CYP21A2: variants seen among roughly 807,000 people sequenced by gnomAD.
CYP21A2 encodes the protein cytochrome P450 family 21 subfamily A member 2.
CYP21A2 carries 24 observed loss-of-function variants against 47.4 expected under a neutral mutation model. The observed-to-expected ratio is 0.51, with a 90% CI of 0.37 to 0.71. The LOEUF (loss-of-function observed/expected upper bound fraction) is 0.71. Among genes scored for constraint, CYP21A2 ranks in the 30% least tolerant of loss-of-function variants. CYP21A2 has a pLI of 0.00. For missense variants in CYP21A2, 358 were observed against 643.2 expected (o/e 0.56, Z 4.80); for synonymous variants, 130 against 273.9 (o/e 0.47, Z 5.19).
rs1355619542 is a variant in CYP21A2 at position 32,038,558 on chromosome 6, C to G, written c.136C>G (p.Pro46Ala). 1.2e-6 allele frequency: 2 copies of G among 1,602,334 alleles called. No individual in the cohort carries two copies. Among genetic ancestry groups the G allele is most frequent in the Non-Finnish European group, 1.7e-6 (2 of 1,173,998 alleles). ...GFLHLLQPDLPIYLLGLTQKF... is the reference protein window; with the variant it reads ...GFLHLLQPDLAIYLLGLTQKF... ...CTTGCACCTGCTGCAGCCCGACCTC[C>G]CCATCTATCTGCTTGGCCTGACTCA... is the stretch of plus-strand genomic sequence containing the variant. The change falls in exon 1 of 10, where the codon CCC becomes GCC. Residue 46 changes from proline to alanine, a missense_variant. By Grantham distance (27) the Pro-to-Ala change is conservative. Transcript: ENST00000644719.
chr6:32,040,291 G>A lies in CYP21A2; in HGVS notation c.939+86G>A, dbSNP rs6443. ...CCTCACTCAGCTCTGAGCACTGTGC[G>A]GCTGGGGCTGTGCTTGCCTCACCGG... On this transcript the variant is annotated intron_variant, in intron 7 of 9. Coordinates refer to ENST00000644719, the MANE Select transcript of CYP21A2 (RefSeq NM_000500.9). 1,982 of 1,612,024 alleles carry A rather than the reference G, an allele frequency of 1.2e-3. No homozygotes were observed. The African/African-American group carries it at 0.023, about 19-fold the overall frequency.
In CYP21A2 at chr6:32,040,146, A is replaced by G; in HGVS notation, c.880A>G (p.Thr294Ala). Residue 294 changes from threonine to alanine, a missense_variant, in exon 7 of 10, where the codon ACT (threonine) becomes GCT (alanine). Physicochemically the swap from Thr to Ala is moderately conservative, Grantham distance 58. Transcript: ENST00000644719. ...MAAVDLLIGG[T>A]ETTANTLSWA... ...TGCAGTGGACCTCCTGATCGGTGGC[A>G]CTGAGACCACAGCAAACACCCTCTC... 6.2e-7 allele frequency: 1 copy of G among 1,612,844 alleles called. No homozygotes were observed. Among genetic ancestry groups the G allele is most frequent in the Non-Finnish European group, 8.5e-7 (1 of 1,179,870 alleles).
Position 32,039,117 on chromosome 6 carries a change from C to A in CYP21A2, c.316C>A (p.Pro106Thr), listed in dbSNP as rs531645802. The A allele has an allele frequency of 6.8e-6, 11 of 1,606,612 alleles. No individual in the cohort carries two copies. The East Asian group carries it at 2.0e-4, about 29-fold the overall frequency. Residue 106 changes from proline to threonine, a missense_variant, in exon 3 of 10, where the codon CCG (proline) becomes ACG (threonine). Coordinates refer to ENST00000644719, the MANE Select transcript of CYP21A2 (RefSeq NM_000500.9). ...LTYKLVSRNY[P>T]DLSLGDYSLL... ...AGACAAGCTGGTGTCTAGGAACTACCCGGACCTGTCCTTGGGAGACTACTC... is the reference window on the plus strand; with the variant it reads ...AGACAAGCTGGTGTCTAGGAACTACACGGACCTGTCCTTGGGAGACTACTC...
intron 2 of CYP21A2, 90 bp from the exon 3 acceptor site, chr6:32,039,004 G>T (rs886209471): frequency 2.6e-6 from 4 of 1,550,430 alleles, no homozygotes; most frequent in Non-Finnish European, 3.5e-6. Context: ...ATCTGGTGGG[G>T]AGAAAGCAGG....
chr6:32,038,557 C>T lies in CYP21A2; in HGVS notation c.135C>T (p.Leu45=). 1 of 1,602,142 alleles carries T rather than the reference C, an allele frequency of 6.2e-7. No homozygotes were observed. ...PGFLHLLQPD[L]PIYLLGLTQK... is the part of the protein sequence containing the mutation. ...TCTTGCACCTGCTGCAGCCCGACCTCCCCATCTATCTGCTTGGCCTGACTC... is the reference window on the plus strand; with the variant it reads ...TCTTGCACCTGCTGCAGCCCGACCTTCCCATCTATCTGCTTGGCCTGACTC... Residue 45 remains leucine, a synonymous_variant, in exon 1 of 10, where the codon CTC becomes CTT. Coordinates refer to ENST00000644719, the MANE Select transcript of CYP21A2 (RefSeq NM_000500.9).
At chr6:32,038,865 G>T (rs1370760323) in intron 2 of CYP21A2, 54 bp downstream of exon 2, 12 of 1,396,394 alleles carry the variant, frequency 8.6e-6, no homozygotes, top group Admixed American at 1.9e-5. Context: ...TTAAGAGATG[G>T]GTTCTTGCTA....
rs12525076 is a variant in CYP21A2, at chr6:32,039,682, A to C, written c.651+35A>C. ...TGGAGCCTAGACACCCCTGGGTTGT[A>C]GGGGAGAGGCTGGGGTGGAGGGAGA... On this transcript the variant is annotated intron_variant, in intron 5 of 9. Transcript: ENST00000644719. The C allele has an allele frequency of 1.5e-5, 24 of 1,559,734 alleles. No homozygotes were observed. In the African/African-American group the frequency reaches 2.1e-4, roughly 14 times the overall value.
chr6:32,039,889 G>A (rs1417346197), intron 6 of CYP21A2, 54 bp downstream of exon 6: 25 of 1,605,984 alleles, frequency 1.6e-5, no homozygotes, highest in East Asian at 1.1e-4. Flanking sequence ...TGATGCTACC[G>A]GCCTCAGCAT....
intron 2 of CYP21A2, 56 bp from the exon 3 acceptor site, chr6:32,039,038 A>G: frequency 6.4e-7 from 1 of 1,566,028 alleles, no homozygotes; most frequent in South Asian, 1.2e-5. Context: ...GAAGAAGGTC[A>G]GGCCCTCAGC....
At position 32,040,435 on chromosome 6, in the gene CYP21A2, C is replaced by T. The variant is rs1222755431; in HGVS notation, c.969C>T (p.Asp323=). 1 of 1,612,996 alleles carries T rather than the reference C, an allele frequency of 6.2e-7. No individual in the cohort carries two copies. Among genetic ancestry groups the T allele is most frequent in the African/African-American group, 1.3e-5 (1 of 74,932 alleles). The stretch of plus-strand genomic sequence containing the variant: ...AGCAGCGACTGCAGGAGGAGCTAGA[C>T]CACGAACTGGGCCCTGGTGCCTCCA... ...EIQQRLQEEL[D]HELGPGASSS... Residue 323 remains aspartate, a synonymous_variant, in exon 8 of 10, where the codon GAC becomes GAT. Transcript: ENST00000644719.
chr6:32,039,403 C>G lies in CYP21A2; in HGVS notation c.495C>G (p.Phe165Leu). 1 of 1,613,128 alleles carries G rather than the reference C, an allele frequency of 6.2e-7. No individual in the cohort carries two copies. The highest frequency in any genetic ancestry group is 1.3e-5 in the African/African-American group (1 of 74,972). Reference sequence around the variant, plus strand: ...CCCCTGTGGCCATTGAGGAGGAATTCTCTCTCCTCACCTGCAGCATCATCT... The same window carrying G: ...CCCCTGTGGCCATTGAGGAGGAATTGTCTCTCCTCACCTGCAGCATCATCT... ...PGTPVAIEEE[F>L]SLLTCSIICY... Residue 165 changes from phenylalanine to leucine, a missense_variant, in exon 4 of 10, where the codon TTC becomes TTG. Physicochemically the swap from Phe to Leu is conservative, Grantham distance 22. Coordinates refer to ENST00000644719, the MANE Select transcript of CYP21A2 (RefSeq NM_000500.9).
At position 32,041,615 on chromosome 6, in the gene CYP21A2, C is replaced by T; in HGVS notation, c.*481C>T. 1 of 1,082,448 alleles carries T rather than the reference C, an allele frequency of 9.2e-7. No homozygotes were observed. Among genetic ancestry groups the T allele is most frequent in the East Asian group, 2.6e-5 (1 of 39,036 alleles). 67.1% of individuals were successfully genotyped at this position (1,082,448 alleles called of 1,614,324 possible). A position where few individuals can be genotyped will look rare whatever the true frequency, so the allele number is the denominator to read the frequency against. On this transcript the variant is annotated 3_prime_UTR_variant, in exon 10 of 10. Transcript: ENST00000644719. ...GGCTTAATTCTGAGCTGGCCCTTTCCAGCCAATAAATCAACTCCAGCTCCC... is the reference window on the plus strand; with the variant it reads ...GGCTTAATTCTGAGCTGGCCCTTTCTAGCCAATAAATCAACTCCAGCTCCC...
At position 32,040,178 on chromosome 6, in the gene CYP21A2, C is replaced by T. The variant is rs751072381; in HGVS notation, c.912C>T (p.Ala304=). 8.1e-6 allele frequency: 13 copies of T among 1,612,886 alleles called. No individual in the cohort carries two copies. The highest frequency in any genetic ancestry group is 5.0e-5 in the Admixed American group (3 of 60,020). ...CCACAGCAAACACCCTCTCCTGGGC[C>T]GTGGTTTTTTTGCTTCACCACCCTG... is the stretch of plus-strand genomic sequence containing the variant. ...TETTANTLSW[A]VVFLLHHPEI... The change falls in exon 7 of 10, where the codon GCC becomes GCT. Residue 304 remains alanine, a synonymous_variant. Transcript: ENST00000644719.
chr6:32,039,112 A>G lies in CYP21A2; in HGVS notation c.311A>G (p.Asn104Ser). 2 of 1,609,436 alleles carry G rather than the reference A, an allele frequency of 1.2e-6. No individual in the cohort carries two copies. The highest frequency in any genetic ancestry group is 1.7e-6 in the Non-Finnish European group (2 of 1,177,972). Reference sequence around the variant, plus strand: ...CCTGCAGACAAGCTGGTGTCTAGGAACTACCCGGACCTGTCCTTGGGAGAC... The same window carrying G: ...CCTGCAGACAAGCTGGTGTCTAGGAGCTACCCGGACCTGTCCTTGGGAGAC... ...EPLTYKLVSR[N>S]YPDLSLGDYS... Residue 104 changes from asparagine to serine, a missense_variant, in exon 3 of 10, where the codon AAC (asparagine) becomes AGC (serine). Coordinates refer to ENST00000644719, the MANE Select transcript of CYP21A2 (RefSeq NM_000500.9).
Position 32,039,631 on chromosome 6 carries a change from T to C in CYP21A2, c.635T>C (p.Val212Ala), listed in dbSNP as rs1475220521. ...WSHWSIQIVD[V>A]IPFLRFFPNP... is the part of the protein sequence containing the mutation. ...CACTGGTCCATCCAAATTGTGGACG[T>C]GATTCCCTTTCTCAGGGTGAGGACC... The change falls in exon 5 of 10, where the codon GTG (valine) becomes GCG (alanine). Residue 212 changes from valine (V) to alanine (A), a missense_variant. Transcript: ENST00000644719. 1.3e-6 allele frequency: 2 copies of C among 1,562,416 alleles called. No homozygotes were observed. Among genetic ancestry groups the C allele is most frequent in the Non-Finnish European group, 1.7e-6 (2 of 1,151,984 alleles).
In CYP21A2 at chr6:32,039,171, ACCCGCTCAG is replaced by A; in HGVS notation, c.374_382del (p.Arg125_Ala127del). 1 of 1,607,118 alleles carries A rather than the reference ACCCGCTCAG, an allele frequency of 6.2e-7. No homozygotes were observed. Among genetic ancestry groups the A allele is most frequent in the Non-Finnish European group, 8.5e-7 (1 of 1,177,034 alleles). On this transcript the variant is annotated inframe_deletion, in exon 3 of 10. Transcript: ENST00000644719. ...GCTCTGGAAAGCCCACAAGAAGCTC[ACCCGCTCAG>A]CCCTGCTGCTGGGCATCCGTGACTC...
chr6:32,040,241 G>A, intron 7 of CYP21A2, 36 bp downstream of exon 7: 1 of 1,612,778 alleles, frequency 6.2e-7, no homozygotes, highest in Non-Finnish European at 8.5e-7. Flanking sequence ...CTCCTTCCCA[G>A]CAACCTGGCC....
At chr6:32,039,016 G>A in intron 2 of CYP21A2, 78 bp from the exon 3 acceptor site, 2 of 1,553,834 alleles carry the variant, frequency 1.3e-6, no homozygotes, top group African/African-American at 1.4e-5. Context: ...GAAAGCAGGG[G>A]TTGGGGAGGC....
Position 32,041,154 on chromosome 6 carries a change from G to A in CYP21A2, c.*20G>A. 1.3e-6 allele frequency: 2 copies of A among 1,582,092 alleles called. No individual in the cohort carries two copies. The highest frequency in any genetic ancestry group is 2.2e-4 in the Middle Eastern group (1 of 4,538). ...CAGTGATGGGGCAGGACCGATGCCA[G>A]CCGGGTACCTCAGTTTCTCCTTTAT... is the stretch of plus-strand genomic sequence containing the variant. On this transcript the variant is annotated 3_prime_UTR_variant, in exon 10 of 10. Transcript: ENST00000644719.
Sources: gnomAD v4.1 joint callset for allele counts on GRCh38, gnomAD v4.1.1 for gene constraint, MANE v1.5 for transcripts, NCBI Gene and HGNC (gene_info 2026-07-23, HGNC 2026-07-21) for gene names.